The following KPNB1 variants were observed in gnomAD, a reference collection of about 807,000 sequenced individuals.
The protein encoded by KPNB1 is importin subunit beta-1.
Under a neutral mutation model 113.0 loss-of-function variants are expected in KPNB1, and 7 were observed. The observed-to-expected ratio is 0.06, with a 90% confidence interval of 0.04 to 0.12. KPNB1 has a LOEUF of 0.12. Ranked by LOEUF, KPNB1 falls within the 10% of genes least tolerant of loss-of-function variation. The probability of loss-of-function intolerance (pLI) is 1.00; values close to 1 mark genes in which losing one functional copy is unlikely to be tolerated. For missense variants in KPNB1, 400 were observed against 1,054.8 expected, an observed-to-expected ratio of 0.38 and a Z score of 8.60; for synonymous variants, 363 against 378.6, an observed-to-expected ratio of 0.96 and a Z score of 0.48.
intron 8 of KPNB1, among the ~76,000 whole-genome samples, chr17:47,664,697 C>T (rs1279448874): frequency 6.6e-6 from 1 of 151,992 alleles, no homozygotes; most frequent in African/African-American, 2.4e-5. Flanking sequence ...GTTTTGTTTC[C>T]AGCTTGGTCT....
chr17:47,681,120 A>G (rs1213490548), intron 21 of KPNB1, among the ~76,000 whole-genome samples: 1 of 151,560 alleles, frequency 6.6e-6, no homozygotes, highest in Non-Finnish European at 1.5e-5. Context: ...CCCAGGCTGG[A>G]GTGCAATGGC....
chr17:47,677,134 A>AT lies in KPNB1; in HGVS notation c.2103+8dup. 1 of 1,565,120 alleles carries AT rather than the reference A, an allele frequency of 6.4e-7. No homozygotes were observed. Among genetic ancestry groups the AT allele is most frequent in the Non-Finnish European group, 8.8e-7 (1 of 1,136,096 alleles). Reference sequence around the variant, plus strand: ...GCTTCTGGAAAATTTGGGGGTGAGTATCTACACACAATCTAATTAACCAGT... The same window carrying AT: ...GCTTCTGGAAAATTTGGGGGTGAGTATTCTACACACAATCTAATTAACCAGT... On this transcript the variant is annotated splice_region_variant and intron_variant, in intron 17 of 21. Coordinates refer to ENST00000290158, the MANE Select transcript of KPNB1 (RefSeq NM_002265.6).
chr17:47,662,046 T>C (rs957220300), intron 6 of KPNB1: 2 of 152,176 alleles, frequency 1.3e-5, no homozygotes, highest in African/African-American at 4.8e-5. Context: ...AGAAGTAATA[T>C]CTTCAGTCTG....
At chr17:47,676,304 T>C in intron 15 of KPNB1, 105 bp from the exon 16 acceptor site, 1 of 822,540 alleles carries the variant, frequency 1.2e-6, no homozygotes, top group Non-Finnish European at 2.1e-6. Context: ...ACCCAACCTG[T>C]TGAGTGGAGC....
chr17:47,684,242 TG>T lies in KPNB1; in HGVS notation c.*1839del. 6.6e-6 allele frequency: 1 copy of T among 152,130 alleles called. No homozygotes were observed. The allele number at this position is 152,130 out of a possible 1,614,324, so 9.4% of individuals were successfully genotyped here. A position where few individuals can be genotyped will look rare whatever the true frequency, so the allele number is the denominator to read the frequency against. Reference sequence around the variant, plus strand: ...TTCCTAAGTGGGATTGGCTCAGTTTTGCCCATCCATATGGCAGCATCTCTAA... The same window carrying T: ...TTCCTAAGTGGGATTGGCTCAGTTTTCCCATCCATATGGCAGCATCTCTAA... On this transcript the variant is annotated 3_prime_UTR_variant, in exon 22 of 22. Transcript: ENST00000290158.
Position 47,650,140 on chromosome 17 carries a change from C to T in KPNB1, c.-105C>T, listed in dbSNP as rs528396319. ...GTGGTGACCCCCGCCCCCCACCCCA[C>T]CCTCCCTTCCCACCCGACCCCCAAC... On this transcript the variant is annotated 5_prime_UTR_variant, in exon 1 of 22. Transcript: ENST00000290158. The T allele has an allele frequency of 2.4e-4, 204 of 855,064 alleles. 1 individual carries two copies. The African/African-American group carries it at 3.7e-3, about 15-fold the overall frequency. 53.0% of individuals were successfully genotyped at this position (855,064 alleles called of 1,614,324 possible).
chr17:47,675,361 G>GTTTTTTTTTTTT lies in KPNB1; in HGVS notation c.1912+589_1912+590insTTTTTTTTTTTT, dbSNP rs1166648701. ...TGCAACGGAGATTGGCAGAGGTGTT[G>GTTTTTTTTTTTT]TTTTTTTTTTGTTTTTTTTTTTTGT... On this transcript the variant is annotated intron_variant, in intron 15 of 21. Transcript: ENST00000290158. Among the ~76,000 whole-genome samples the GTTTTTTTTTTTT allele has an allele frequency of 7.6e-3, 669 of 88,544 alleles. 133 individuals are homozygous for GTTTTTTTTTTTT. Among genetic ancestry groups the GTTTTTTTTTTTT allele is most frequent in the Middle Eastern group, 0.011 (2 of 182 alleles). 58.1% of individuals were successfully genotyped at this position (88,544 alleles called of 152,430 possible). A position where few individuals can be genotyped will look rare whatever the true frequency, so the allele number is the denominator to read the frequency against.
chr17:47,677,862 A>G (rs1020819519), intron 17 of KPNB1, among the ~76,000 whole-genome samples, 184 bp from the exon 18 acceptor site: 3 of 152,194 alleles, frequency 2.0e-5, no homozygotes, highest in African/African-American at 7.2e-5. Context: ...GTAAAGTGGG[A>G]ATACCAATAC....
At chr17:47,661,014 G>T in intron 5 of KPNB1, 105 bp from the exon 6 acceptor site, 1 of 815,712 alleles carries the variant, frequency 1.2e-6, no homozygotes. Context: ...GGCTGTGTGG[G>T]GCCCTGAGGG....
chr17:47,658,126 C>G (rs915087754), intron 4 of KPNB1, among the ~76,000 whole-genome samples: 4 of 152,166 alleles, frequency 2.6e-5, no homozygotes, highest in African/African-American at 9.7e-5. Context: ...TCGTGAAGCT[C>G]CTTATGGCAG....
intron 4 of KPNB1, among the ~76,000 whole-genome samples, chr17:47,657,360 T>C (rs546114342): frequency 6.6e-6 from 1 of 152,338 alleles, no homozygotes; most frequent in South Asian, 2.1e-4. Context: ...CAGTCTTTTT[T>C]CTTAAGATCC....
At chr17:47,678,983 G>T (rs1044340971) in intron 19 of KPNB1, among the ~76,000 whole-genome samples, 1 of 151,864 alleles carries the variant, frequency 6.6e-6, no homozygotes, top group Non-Finnish European at 1.5e-5. Context: ...GCAGTGGAGC[G>T]ATCACAGCTC....
intron 17 of KPNB1, among the ~76,000 whole-genome samples, chr17:47,677,375 G>A (rs906819533): frequency 4.0e-5 from 6 of 151,426 alleles, no homozygotes; most frequent in Admixed American, 2.6e-4. Flanking sequence ...GGAAGGCTGA[G>A]GCAGGATAAT....
chr17:47,679,532 T>G (rs559350344), intron 19 of KPNB1, among the ~76,000 whole-genome samples: 7 of 152,226 alleles, frequency 4.6e-5, no homozygotes, highest in Middle Eastern at 3.4e-3. Context: ...TTCTGTCGAC[T>G]TGAGGAACGA....
At chr17:47,671,307 A>G (rs749791928) in intron 12 of KPNB1, among the ~76,000 whole-genome samples, 1 of 152,212 alleles carries the variant, frequency 6.6e-6, no homozygotes, top group Non-Finnish European at 1.5e-5. Flanking sequence ...AGATGGAGAA[A>G]GAAATGCAGA....
rs148063340 is a variant in KPNB1, at chr17:47,668,036, A to C, written c.1000-150A>C. 2.7e-4 allele frequency: 168 copies of C among 620,626 alleles called. No individual in the cohort carries two copies. In the African/African-American group the frequency reaches 2.7e-3, roughly 10 times the overall value. 38.4% of individuals were successfully genotyped at this position (620,626 alleles called of 1,614,324 possible). On this transcript the variant is annotated intron_variant, in intron 9 of 21. Transcript: ENST00000290158. ...GTTTAACAAAGGCTATGCTGTGATG[A>C]ATGTTTGTGGAAGAGACAAAATATA...
chr17:47,671,297 A>G (rs961816893), intron 12 of KPNB1, among the ~76,000 whole-genome samples: 24 of 152,198 alleles, frequency 1.6e-4, no homozygotes, highest in African/African-American at 4.3e-4. Context: ...GTTTGTTTAA[A>G]GATGGAGAAA....
intron 5 of KPNB1, among the ~76,000 whole-genome samples, chr17:47,659,814 G>A (rs781160628): frequency 1.3e-5 from 2 of 151,900 alleles, no homozygotes; most frequent in African/African-American, 2.4e-5. Flanking sequence ...AGCTGAGGTG[G>A]GAGGATCACT....
At chr17:47,681,423 C>T (rs1333798173) in intron 21 of KPNB1, among the ~76,000 whole-genome samples, 1 of 151,928 alleles carries the variant, frequency 6.6e-6, no homozygotes, top group East Asian at 1.9e-4. Context: ...GCCCTACCAC[C>T]ACCACACCTG....
Sources: gnomAD v4.1 joint callset for allele counts (sites outside exome capture counted in the v4.1 genomes callset) on GRCh38, gnomAD v4.1.1 for gene constraint, MANE v1.5 for transcripts, NCBI Gene and HGNC (gene_info 2026-07-23, HGNC 2026-07-21) for gene names.